SEPTIN9: variants seen among roughly 807,000 people sequenced by gnomAD.
SEPTIN9 encodes septin-9.
A neutral mutation model predicts 56.6 loss-of-function variants in SEPTIN9; 13 were observed. The observed-to-expected ratio is 0.23, with a 90% CI of 0.15 to 0.37. The LOEUF (loss-of-function observed/expected upper bound fraction) is 0.37, where lower values mean the gene tolerates loss of function less well. SEPTIN9 is among the 10% of genes least tolerant of loss of function. The probability of loss-of-function intolerance (pLI) is 1.00; values close to 1 mark genes in which losing one functional copy is unlikely to be tolerated. For synonymous variants in SEPTIN9, 332 were observed against 334.1 expected, an observed-to-expected ratio of 0.99 and a Z score of 0.07; for missense variants, 650 against 823.1, an observed-to-expected ratio of 0.79 and a Z score of 2.57.
chr17:77,373,825 C>T, intron 2 of SEPTIN9: 1 of 480,992 alleles, frequency 2.1e-6, no homozygotes, highest in South Asian at 5.5e-5. Context: ...GCCTGGGTTT[C>T]CTTCCTTTTA....
chr17:77,384,709 A>G (rs1161023577), intron 2 of SEPTIN9, among the ~76,000 whole-genome samples: 2 of 152,094 alleles, frequency 1.3e-5, no homozygotes, highest in Non-Finnish European at 2.9e-5. Flanking sequence ...CGAGCCAAGA[A>G]TGACATATCT....
intron 2 of SEPTIN9, among the ~76,000 whole-genome samples, chr17:77,316,648 A>G (rs1412550812): frequency 6.6e-6 from 1 of 151,380 alleles, no homozygotes; most frequent in Non-Finnish European, 1.5e-5. Flanking sequence ...TCCCTGCCCC[A>G]CAGCAGGAGT....
chr17:77,500,195 G>T lies in SEPTIN9; in HGVS notation c.*1537G>T. The T allele has an allele frequency of 4.3e-6, 1 of 232,804 alleles. No individual in the cohort carries two copies. The highest frequency in any genetic ancestry group is 8.5e-6 in the Non-Finnish European group (1 of 117,526). 14.4% of individuals were successfully genotyped at this position (232,804 alleles called of 1,614,324 possible). On this transcript the variant is annotated 3_prime_UTR_variant, in exon 12 of 12. Transcript: ENST00000427177. ...GTGTGAGTGTGTGTGCATGGAAGTTGGGGCACTGGGCGTCTGACTCCCTCC... is the reference window on the plus strand; with the variant it reads ...GTGTGAGTGTGTGTGCATGGAAGTTTGGGCACTGGGCGTCTGACTCCCTCC...
intron 1 of SEPTIN9, among the ~76,000 whole-genome samples, chr17:77,297,871 T>C (rs1208083982): frequency 6.6e-6 from 1 of 152,182 alleles, no homozygotes; most frequent in Non-Finnish European, 1.5e-5. Flanking sequence ...ATGGCTGCTT[T>C]GGAATGAGTG....
intron 1 of SEPTIN9, among the ~76,000 whole-genome samples, chr17:77,306,463 T>G (rs2032269731): frequency 6.6e-6 from 1 of 152,216 alleles, no homozygotes; most frequent in Admixed American, 6.5e-5. Context: ...AGGACTTGCC[T>G]GCCATGAGCC....
At position 77,435,880 on chromosome 17, in the gene SEPTIN9, TC is replaced by T. The variant is rs1951766004; in HGVS notation, c.721+33180del. ...GCTCCTGAGCCCTGCCTCTGTGTAA[TC>T]CCTAAAGCACGGACTTCTTAGGGGC... On this transcript the variant is annotated intron_variant, in intron 3 of 11. Transcript: ENST00000427177. This position sits in a 1 kb window ranked among gnomAD's most constrained non-coding sequence, Gnocchi z 4.5. Among the ~76,000 whole-genome samples, 1 of 152,184 alleles carries T rather than the reference TC, an allele frequency of 6.6e-6. No individual in the cohort carries two copies. Among genetic ancestry groups the T allele is most frequent in the Non-Finnish European group, 1.5e-5 (1 of 68,030 alleles).
At chr17:77,376,375 A>C in intron 2 of SEPTIN9, 2 of 985,670 alleles carry the variant, frequency 2.0e-6, no homozygotes, top group Non-Finnish European at 2.4e-6. Context: ...GGGGCGGCTC[A>C]CCTGGTGTCT....
chr17:77,496,872 C>G (rs2040288004), intron 10 of SEPTIN9, among the ~76,000 whole-genome samples: 1 of 152,238 alleles, frequency 6.6e-6, no homozygotes, highest in Non-Finnish European at 1.5e-5. Context: ...AAAATCCCAG[C>G]TCCGATTCCT....
At chr17:77,468,723 G>A (rs146274237) in intron 3 of SEPTIN9, among the ~76,000 whole-genome samples, 1,674 of 152,276 alleles carry the variant, frequency 0.011, 19 homozygotes, top group Middle Eastern at 0.017. Flanking sequence ...AACCAGTCAC[G>A]GCTTCATAGA....
At position 77,492,011 on chromosome 17, in the gene SEPTIN9, C is replaced by T. The variant is rs2040052994; in HGVS notation, c.1381-610C>T. Reference sequence around the variant, plus strand: ...CCGAGGTGCCTGGGCTGCGGCACCACATCTGCCTCGGTGGGTGTGGGTGGG... The same window carrying T: ...CCGAGGTGCCTGGGCTGCGGCACCATATCTGCCTCGGTGGGTGTGGGTGGG... On this transcript the variant is annotated intron_variant, in intron 8 of 11. Coordinates refer to ENST00000427177, the MANE Select transcript of SEPTIN9 (RefSeq NM_001113491.2). This position sits in a 1 kb window ranked among gnomAD's most constrained non-coding sequence, Gnocchi z 5.4. Among the ~76,000 whole-genome samples, 1 of 152,034 alleles carries T rather than the reference C, an allele frequency of 6.6e-6. No homozygotes were observed. The highest frequency in any genetic ancestry group is 6.6e-5 in the Admixed American group (1 of 15,266).
At chr17:77,410,216 C>A (rs998164127) in intron 3 of SEPTIN9, among the ~76,000 whole-genome samples, 3 of 152,130 alleles carry the variant, frequency 2.0e-5, no homozygotes, top group African/African-American at 2.4e-5. Flanking sequence ...AGGCATGGAG[C>A]TCCCCTGACC....
chr17:77,366,031 A>G (rs999722308), intron 2 of SEPTIN9, among the ~76,000 whole-genome samples: 3 of 152,104 alleles, frequency 2.0e-5, no homozygotes, highest in African/African-American at 7.2e-5. Flanking sequence ...CAAGGGCCCC[A>G]GGGACAGCCT....
chr17:77,473,633 G>C (rs1345359855), intron 3 of SEPTIN9, among the ~76,000 whole-genome samples: 1 of 152,176 alleles, frequency 6.6e-6, no homozygotes, highest in Non-Finnish European at 1.5e-5. Context: ...CCAGAGGTTT[G>C]TGGCACACAC....
At position 77,291,564 on chromosome 17, in the gene SEPTIN9, G is replaced by A. The variant is rs374029432; in HGVS notation, c.19+10010G>A. Among the ~76,000 whole-genome samples the A allele has an allele frequency of 9.9e-5, 15 of 152,048 alleles. No individual in the cohort carries two copies. The South Asian group carries it at 1.5e-3, about 15-fold the overall frequency. On this transcript the variant is annotated intron_variant, in intron 1 of 11. Transcript: ENST00000427177. ...GGAGAATTGCTTGAATCTAGGAGGC[G>A]GGGGTTGCAGTGAGCTGAGATCGTG...
In SEPTIN9 at chr17:77,482,124, C is replaced by T; in HGVS notation, c.722-20C>T. Reference sequence around the variant, plus strand: ...GTGAGCCCCTGTTCCGCTCTAACTCCTCTGCTGTTCCTTCCCCAGCCACTG... The same window carrying T: ...GTGAGCCCCTGTTCCGCTCTAACTCTTCTGCTGTTCCTTCCCCAGCCACTG... On this transcript the variant is annotated intron_variant, in intron 3 of 11. Coordinates refer to ENST00000427177, the MANE Select transcript of SEPTIN9 (RefSeq NM_001113491.2). The T allele has an allele frequency of 6.5e-7, 1 of 1,547,996 alleles. No individual in the cohort carries two copies. The highest frequency in any genetic ancestry group is 8.7e-7 in the Non-Finnish European group (1 of 1,147,052).
At position 77,476,566 on chromosome 17, in the gene SEPTIN9, G is replaced by A. The variant is rs1001768010; in HGVS notation, c.722-5578G>A. Among the ~76,000 whole-genome samples, 32 of 152,212 alleles carry A rather than the reference G, an allele frequency of 2.1e-4. No homozygotes were observed. Among genetic ancestry groups the A allele is most frequent in the African/African-American group, 7.2e-4 (30 of 41,442 alleles). On this transcript the variant is annotated intron_variant, in intron 3 of 11. Coordinates refer to ENST00000427177, the MANE Select transcript of SEPTIN9 (RefSeq NM_001113491.2). This position sits in a 1 kb window ranked among gnomAD's most constrained non-coding sequence, Gnocchi z 6.0. ...CTGGAGAAAAGATGGCCCAGTGGAC[G>A]CCTGCGGGGAGGAGGGAGCTGGTCC...
chr17:77,404,376 C>T (rs1041802729), intron 3 of SEPTIN9, among the ~76,000 whole-genome samples: 11 of 152,174 alleles, frequency 7.2e-5, no homozygotes, highest in African/African-American at 2.4e-4. Context: ...TCCCAAGTAC[C>T]TAGGACCACA....
chr17:77,435,967 T>C lies in SEPTIN9; in HGVS notation c.721+33264T>C, dbSNP rs2037321149. Among the ~76,000 whole-genome samples the C allele has an allele frequency of 6.6e-6, 1 of 152,200 alleles. No individual in the cohort carries two copies. The highest frequency in any genetic ancestry group is 2.1e-4 in the South Asian group (1 of 4,830). ...TAGGGCTTGAGGCAGGGCTAGAGCA[T>C]GGAGACGTTGCTGGAGGACCAAGGG... On this transcript the variant is annotated intron_variant, in intron 3 of 11. Coordinates refer to ENST00000427177, the MANE Select transcript of SEPTIN9 (RefSeq NM_001113491.2). The surrounding 1 kb of genome is among the most constrained non-coding windows in gnomAD (Gnocchi z 4.5).
intron 2 of SEPTIN9, among the ~76,000 whole-genome samples, chr17:77,393,196 T>G (rs1354789100): frequency 6.6e-6 from 1 of 152,208 alleles, no homozygotes; most frequent in African/African-American, 2.4e-5. Context: ...CAGCTCATTG[T>G]GACCACAGGT....
Sources: gnomAD v4.1 joint callset for allele counts (sites outside exome capture counted in the v4.1 genomes callset) on GRCh38, gnomAD v4.1.1 for gene constraint, Gnocchi (gnomAD v3.1) non-coding constraint, MANE v1.5 for transcripts, NCBI Gene and HGNC (gene_info 2026-07-23, HGNC 2026-07-21) for gene names.